Variants in RYR2 observed in about 807,000 individuals in gnomAD.
RYR2 encodes the protein ryanodine receptor 2, also known as cardiac muscle ryanodine receptor-calcium release channel.
A neutral mutation model predicts 601.1 loss-of-function variants in RYR2; 227 were observed. That is an observed-to-expected ratio of 0.38 (90% CI 0.34 to 0.42). RYR2 has a LOEUF of 0.42. Ranked by LOEUF, RYR2 falls within the 10% of genes least tolerant of loss-of-function variation. The pLI is 1.00. For missense variants in RYR2, 4,646 were observed against 6,156.5 expected, an observed-to-expected ratio of 0.75 and a Z score of 8.21; for synonymous variants, 2,223 against 2,175.1, an observed-to-expected ratio of 1.02 and a Z score of -0.61.
At chr1:237,491,781 T>TC (rs1663375996) in intron 17 of RYR2, 25 bp from the exon 18 acceptor site, 3 of 1,102,524 alleles carry the variant, frequency 2.7e-6, no homozygotes, top group Non-Finnish European at 4.0e-6. Context: ...GTGTTTTTTT[T>TC]CCTCTTTCTT....
Position 237,428,134 on chromosome 1 carries a change from C to T in RYR2, c.1005+4886C>T, listed in dbSNP as rs1304892662. On this transcript the variant is annotated intron_variant, in intron 12 of 104. Transcript: ENST00000366574. Reference sequence around the variant, plus strand: ...TGGTGAGGCTGTGGAGAAACAGGAACGCTTTTACATTGTTGTTGGGAATAT... The same window carrying T: ...TGGTGAGGCTGTGGAGAAACAGGAATGCTTTTACATTGTTGTTGGGAATAT... Among the ~76,000 whole-genome samples, 13 of 152,262 alleles carry T rather than the reference C, an allele frequency of 8.5e-5. No homozygotes were observed. The East Asian group carries it at 1.2e-3, about 14-fold the overall frequency.
chr1:237,687,240 A>G (rs1686473311), intron 62 of RYR2, among the ~76,000 whole-genome samples: 1 of 151,578 alleles, frequency 6.6e-6, no homozygotes. Flanking sequence ...AAAGAGATGC[A>G]CTCAAAGACT....
At chr1:237,708,778 G>C in intron 68 of RYR2, 80 bp from the exon 69 acceptor site, 1 of 1,284,980 alleles carries the variant, frequency 7.8e-7, no homozygotes, top group Admixed American at 2.1e-5. Context: ...CTTTAATTAT[G>C]TTACAATTGT....
rs573882042 is a variant in RYR2, at chr1:237,466,856, C to T, written c.1613-2236C>T. ...TATGATATTGATTCCATCATTGACCCAAGAGTTATTAAGGAGAGAGTTTAA... is the reference window on the plus strand; with the variant it reads ...TATGATATTGATTCCATCATTGACCTAAGAGTTATTAAGGAGAGAGTTTAA... On this transcript the variant is annotated intron_variant, in intron 16 of 104. Coordinates refer to ENST00000366574, the MANE Select transcript of RYR2 (RefSeq NM_001035.3). Among the ~76,000 whole-genome samples, 82 of 151,626 alleles carry T rather than the reference C, an allele frequency of 5.4e-4. 1 individual carries two copies. Among genetic ancestry groups the T allele is most frequent in the African/African-American group, 1.9e-3 (79 of 41,452 alleles).
chr1:237,113,531 T>C (rs1290975178), intron 1 of RYR2, among the ~76,000 whole-genome samples: 1 of 152,140 alleles, frequency 6.6e-6, no homozygotes, highest in Admixed American at 6.5e-5. Context: ...TGTCCCATTG[T>C]CCTTTAAGGG....
At position 237,610,952 on chromosome 1, in the gene RYR2, T is replaced by G. The variant is rs773276130; in HGVS notation, c.4874T>G (p.Leu1625Arg). The change falls in exon 36 of 105, where the codon CTG (leucine) becomes CGG (arginine). Residue 1625 changes from leucine (L) to arginine (R), a missense_variant. Leu to Arg is a moderately radical substitution (Grantham distance 102). This residue lies in a region of RYR2 where 1,807 missense variants were observed against 2,088.1 expected (regional missense o/e 0.87). Transcript: ENST00000366574. The surrounding 1 kb of genome is among the most constrained non-coding windows in gnomAD (Gnocchi z 4.9). The stretch of plus-strand genomic sequence containing the variant: ...TGGTTGGTGCAGTGTTTGGATCCTC[T>G]GCAGTTCATGTCTCTTCATATCCCT... Reference protein sequence around the residue: ...QGWLVQCLDPLQFMSLHIPEE... With the variant: ...QGWLVQCLDPRQFMSLHIPEE... The G allele has an allele frequency of 5.6e-6, 9 of 1,613,434 alleles. No homozygotes were observed. Among genetic ancestry groups the G allele is most frequent in the South Asian group, 1.1e-5 (1 of 90,876 alleles).
At chr1:237,059,201 G>C (rs935893283) in intron 1 of RYR2, among the ~76,000 whole-genome samples, 1 of 152,052 alleles carries the variant, frequency 6.6e-6, no homozygotes, top group Non-Finnish European at 1.5e-5. Flanking sequence ...TTGTTAAGAG[G>C]GTGCTGTGTA....
chr1:237,703,283 C>CT (rs137966699), intron 66 of RYR2, among the ~76,000 whole-genome samples: 44 of 151,660 alleles, frequency 2.9e-4, no homozygotes, highest in African/African-American at 1.1e-3. Context: ...CTCAGATTAT[C>CT]TTTTTTTTCT....
chr1:237,758,342 T>G (rs908235077), intron 82 of RYR2, among the ~76,000 whole-genome samples: 2 of 152,148 alleles, frequency 1.3e-5, no homozygotes, highest in African/African-American at 4.8e-5. Flanking sequence ...CTTTATAACT[T>G]CAAATATATA....
intron 44 of RYR2, 66 bp downstream of exon 44, chr1:237,635,058 T>G: frequency 1.6e-6 from 2 of 1,212,288 alleles, no homozygotes; most frequent in South Asian, 3.7e-5. Context: ...CTCAATATTT[T>G]AAATATAAGT....
Position 237,506,812 on chromosome 1 carries a change from C to T in RYR2, c.2716C>T (p.Pro906Ser), listed in dbSNP as rs754520058. 6.2e-7 allele frequency: 1 copy of T among 1,610,114 alleles called. No individual in the cohort carries two copies. Among genetic ancestry groups the T allele is most frequent in the African/African-American group, 1.3e-5 (1 of 74,838 alleles). The change falls in exon 23 of 105, where the codon CCG (proline) becomes TCG (serine). Residue 906 changes from proline (P) to serine (S), a missense_variant and splice_region_variant. Around this residue, in one of 17 missense-constraint regions of RYR2, gnomAD observed 1,807 missense variants for 2,088.1 expected, o/e 0.87. Transcript: ENST00000366574. Reference sequence around the variant, plus strand: ...AATTGAGCTTGGCTGGCAGTATGGTCCGGTATGTAATTTTGAAATTTATTT... The same window carrying T: ...AATTGAGCTTGGCTGGCAGTATGGTTCGGTATGTAATTTTGAAATTTATTT... ...NKIELGWQYGPVRDDNKRQHP... is the reference protein window; with the variant it reads ...NKIELGWQYGSVRDDNKRQHP...
In RYR2 at chr1:237,731,977, A is replaced by G. The variant is rs1294576547; in HGVS notation, c.10936-69A>G. On this transcript the variant is annotated intron_variant, in intron 77 of 104. Transcript: ENST00000366574. ...CTTTTATTCTTCATTGCTGTCCTTC[A>G]CAGTGCTTTTGGATTTGAGTGAACA... is the stretch of plus-strand genomic sequence containing the variant. The G allele has an allele frequency of 4.2e-6, 4 of 942,424 alleles. No individual in the cohort carries two copies. The African/African-American group carries it at 6.5e-5, about 15-fold the overall frequency. 58.4% of individuals were successfully genotyped at this position (942,424 alleles called of 1,614,324 possible).
At chr1:237,489,318 G>C (rs1414357303) in intron 17 of RYR2, among the ~76,000 whole-genome samples, 2 of 152,088 alleles carry the variant, frequency 1.3e-5, no homozygotes, top group Non-Finnish European at 2.9e-5. Context: ...ATGCAAATCA[G>C]AACTACAATG....
At position 237,580,223 on chromosome 1, in the gene RYR2, G is replaced by A. The variant is rs563517204; in HGVS notation, c.3599-9570G>A. Among the ~76,000 whole-genome samples, 21 of 142,366 alleles carry A rather than the reference G, an allele frequency of 1.5e-4. No homozygotes were observed. In the South Asian group the frequency reaches 4.2e-3, roughly 28 times the overall value. 93.4% of individuals were successfully genotyped at this position (142,366 alleles called of 152,430 possible). The stretch of plus-strand genomic sequence containing the variant: ...CAGGCTTGAGTGCAATGGTGTGATC[G>A]CAGCTCACTGGAACCTCCACCTCCC... On this transcript the variant is annotated intron_variant, in intron 29 of 104. Coordinates refer to ENST00000366574, the MANE Select transcript of RYR2 (RefSeq NM_001035.3).
intron 27 of RYR2, among the ~76,000 whole-genome samples, chr1:237,561,946 C>T (rs1671500223): frequency 6.6e-6 from 1 of 151,988 alleles, no homozygotes. Flanking sequence ...CAAAATCAGT[C>T]TGATTATCAC....
chr1:237,514,174 G>A (rs1211538891), intron 24 of RYR2, among the ~76,000 whole-genome samples: 1 of 152,166 alleles, frequency 6.6e-6, no homozygotes, highest in Non-Finnish European at 1.5e-5. Flanking sequence ...ACAACAGAAT[G>A]TTTTATTGAA....
intron 1 of RYR2, among the ~76,000 whole-genome samples, chr1:237,129,725 A>G (rs1671949046): frequency 6.6e-6 from 1 of 150,670 alleles, no homozygotes; most frequent in African/African-American, 2.4e-5. Flanking sequence ...TATATATAGT[A>G]TAATAGTATA....
At chr1:237,713,925 A>C (rs1689045672) in intron 71 of RYR2, among the ~76,000 whole-genome samples, 2 of 152,068 alleles carry the variant, frequency 1.3e-5, no homozygotes. Context: ...AAAATACAAA[A>C]AAGTATCTTT....
chr1:237,115,611 A>G (rs1669987694), intron 1 of RYR2, among the ~76,000 whole-genome samples: 1 of 152,214 alleles, frequency 6.6e-6, no homozygotes, highest in African/African-American at 2.4e-5. Flanking sequence ...ACTACCAAAG[A>G]CAAAGGTTCA....
Sources: gnomAD v4.1 joint callset for allele counts (sites outside exome capture counted in the v4.1 genomes callset) on GRCh38, gnomAD v4.1.1 for gene constraint, gnomAD v4.1.1 regional missense constraint, Gnocchi (gnomAD v3.1) non-coding constraint, MANE v1.5 for transcripts, NCBI Gene and HGNC (gene_info 2026-07-23, HGNC 2026-07-21) for gene names.